The following TGFBR3 variants were observed in gnomAD, a reference collection of about 807,000 sequenced individuals.
TGFBR3 encodes transforming growth factor beta receptor 3, also known as transforming growth factor beta receptor type 3.
In TGFBR3, 46 loss-of-function variants were observed where a neutral mutation model predicts 87.9. The ratio of observed to expected loss-of-function variants is 0.52; its 90% CI spans 0.41 to 0.67. The LOEUF (loss-of-function observed/expected upper bound fraction) is 0.67, where lower values mean the gene tolerates loss of function less well. TGFBR3 is among the 30% of genes least tolerant of loss of function. The pLI, the probability that TGFBR3 is intolerant of heterozygous loss-of-function variation, is 0.00. For synonymous variants in TGFBR3, 381 were observed against 391.6 expected, an observed-to-expected ratio of 0.97 and a Z score of 0.32; for missense variants, 866 against 1,041.9, an observed-to-expected ratio of 0.83 and a Z score of 2.32.
chr1:91,838,528 G>A (rs371146225), intron 2 of TGFBR3, among the ~76,000 whole-genome samples: 1 of 150,014 alleles, frequency 6.7e-6, no homozygotes, highest in Admixed American at 6.7e-5. Flanking sequence ...GGGCAAACTC[G>A]GCGCACTGCA....
At chr1:91,721,744 T>C (rs1193158872) in intron 8 of TGFBR3, among the ~76,000 whole-genome samples, 1 of 152,198 alleles carries the variant, frequency 6.6e-6, no homozygotes, top group Non-Finnish European at 1.5e-5. Flanking sequence ...GTTCTCTGAA[T>C]ATGCATTCAA....
At chr1:91,852,597 G>A (rs934651366) in intron 2 of TGFBR3, among the ~76,000 whole-genome samples, 1 of 151,968 alleles carries the variant, frequency 6.6e-6, no homozygotes, top group Non-Finnish European at 1.5e-5. Context: ...ACCTAGTTTC[G>A]CTCTTGTTGC....
intron 16 of TGFBR3, among the ~76,000 whole-genome samples, chr1:91,689,124 G>T (rs945037181): frequency 6.6e-6 from 1 of 152,102 alleles, no homozygotes; most frequent in Non-Finnish European, 1.5e-5. Context: ...AGCACCTCCC[G>T]GAGCATCTGG....
At chr1:91,726,279 C>T (rs895599822) in intron 7 of TGFBR3, among the ~76,000 whole-genome samples, 10 of 152,098 alleles carry the variant, frequency 6.6e-5, no homozygotes, top group African/African-American at 1.9e-4. Flanking sequence ...TAAAATGTAC[C>T]GTATGTTTTT....
At chr1:91,894,960 A>C (rs377562398) in intron 2 of TGFBR3, among the ~76,000 whole-genome samples, 2 of 152,046 alleles carry the variant, frequency 1.3e-5, no homozygotes, top group African/African-American at 2.4e-5. Flanking sequence ...TTAGTAGAGA[A>C]GGGGTTTCAC....
chr1:91,789,634 T>A (rs1383442290), intron 3 of TGFBR3, among the ~76,000 whole-genome samples: 1 of 152,226 alleles, frequency 6.6e-6, no homozygotes, highest in Non-Finnish European at 1.5e-5. Context: ...CCTCTCTGAT[T>A]TCTGCTTTCA....
Position 91,683,720 on chromosome 1 carries a change from CGGGTTGGGCT to C in TGFBR3, c.*9_*18del, listed in dbSNP as rs777459811. 9.2e-6 allele frequency: 13 copies of C among 1,406,972 alleles called. No homozygotes were observed. The highest frequency in any genetic ancestry group is 1.2e-5 in the South Asian group (1 of 81,808). The allele number at this position is 1,406,972 out of a possible 1,614,324, so 87.2% of individuals were successfully genotyped here. A position where few individuals can be genotyped will look rare whatever the true frequency, so the allele number is the denominator to read the frequency against. Reference sequence around the variant, plus strand: ...TGAGCTGGGCTGGGCTGGGTTGGGCCGGGTTGGGCTGGGTTGGGCTAGGCCGTGCTGCTGC... The same window carrying C: ...TGAGCTGGGCTGGGCTGGGTTGGGCCGGGTTGGGCTAGGCCGTGCTGCTGC... On this transcript the variant is annotated 3_prime_UTR_variant, in exon 17 of 17. Transcript: ENST00000212355.
chr1:91,793,430 C>T (rs1217967985), intron 3 of TGFBR3, among the ~76,000 whole-genome samples: 1 of 152,194 alleles, frequency 6.6e-6, no homozygotes, highest in African/African-American at 2.4e-5. Context: ...TAGTCAATTA[C>T]AGCTTGGAGC....
intron 2 of TGFBR3, among the ~76,000 whole-genome samples, chr1:91,816,997 C>T (rs1288256762): frequency 6.6e-6 from 1 of 152,214 alleles, no homozygotes; most frequent in Non-Finnish European, 1.5e-5. Context: ...TACAACTACA[C>T]ATTTGACAGA....
At chr1:91,729,057 C>G (rs1672654085) in intron 6 of TGFBR3, among the ~76,000 whole-genome samples, 1 of 144,038 alleles carries the variant, frequency 6.9e-6, no homozygotes, top group African/African-American at 2.6e-5. Flanking sequence ...CACACACACA[C>G]ACACACACAC....
chr1:91,724,782 A>T (rs930644719), intron 7 of TGFBR3, among the ~76,000 whole-genome samples: 58 of 152,070 alleles, frequency 3.8e-4, no homozygotes, highest in Non-Finnish European at 4.6e-4. Context: ...AACCACCACC[A>T]TCTTTCCCAG....
intron 3 of TGFBR3, among the ~76,000 whole-genome samples, chr1:91,766,093 T>A (rs1429736439): frequency 3.3e-5 from 5 of 152,054 alleles, no homozygotes; most frequent in Admixed American, 6.6e-5. Context: ...AGTTGCACAA[T>A]CAGAGCTCAC....
chr1:91,884,307 A>G (rs1679209720), intron 1 of TGFBR3, among the ~76,000 whole-genome samples: 1 of 149,850 alleles, frequency 6.7e-6, no homozygotes, highest in Non-Finnish European at 1.5e-5. Flanking sequence ...GGACAGAGCG[A>G]GACTCTGTCA....
At chr1:91,888,147 C>T (rs553419038), upstream of TGFBR3, among the ~76,000 whole-genome samples, 69 of 152,198 alleles carry the variant, frequency 4.5e-4, no homozygotes, top group African/African-American at 1.6e-3. Context: ...CAGGAGTCTC[C>T]GTGTACCAGC....
intron 3 of TGFBR3, among the ~76,000 whole-genome samples, chr1:91,795,122 C>A (rs1224836323): frequency 1.3e-5 from 2 of 152,124 alleles, no homozygotes; most frequent in African/African-American, 4.8e-5. Flanking sequence ...TGAGATCTGC[C>A]GTATGTGAGC....
At chr1:91,742,761 A>C (rs1673198705) in intron 4 of TGFBR3, among the ~76,000 whole-genome samples, 2 of 152,274 alleles carry the variant, frequency 1.3e-5, no homozygotes, top group South Asian at 2.1e-4. Context: ...AAATCCTGGG[A>C]TGCTGAGGTG....
At chr1:91,889,104 C>A (rs757286594), upstream of TGFBR3, among the ~76,000 whole-genome samples, 1 of 152,072 alleles carries the variant, frequency 6.6e-6, no homozygotes. Flanking sequence ...AGGCTGCTCT[C>A]GAACTCCTGA....
intron 3 of TGFBR3, among the ~76,000 whole-genome samples, chr1:91,770,640 T>C (rs542852138): frequency 6.6e-6 from 1 of 152,318 alleles, no homozygotes; most frequent in South Asian, 2.1e-4. Context: ...AATCTTACAA[T>C]ATCCTCAAAA....
intron 4 of TGFBR3, among the ~76,000 whole-genome samples, chr1:91,751,955 A>T (rs751546998): frequency 1.3e-5 from 2 of 152,172 alleles, no homozygotes; most frequent in African/African-American, 2.4e-5. Context: ...AGAGTTTAAA[A>T]GCTGGGAGGA....
Sources: gnomAD v4.1 joint callset for allele counts (sites outside exome capture counted in the v4.1 genomes callset) on GRCh38, gnomAD v4.1.1 for gene constraint, MANE v1.5 for transcripts, NCBI Gene and HGNC (gene_info 2026-07-23, HGNC 2026-07-21) for gene names.